Variants in LRRC7 observed in about 807,000 individuals in gnomAD.
The protein encoded by LRRC7 is leucine rich repeat containing 7.
Under a neutral mutation model 175.7 loss-of-function variants are expected in LRRC7, and 23 were observed. The ratio of observed to expected loss-of-function variants is 0.13; its 90% CI spans 0.09 to 0.19. The LOEUF (loss-of-function observed/expected upper bound fraction) is 0.19, where lower values mean the gene tolerates loss of function less well. LRRC7 is among the 10% of genes least tolerant of loss of function. The pLI is 1.00. For missense variants in LRRC7, 1,354 were observed against 1,904.7 expected (o/e 0.71, Z 5.38); for synonymous variants, 685 against 680.9 (o/e 1.01, Z -0.09).
intron 2 of LRRC7, among the ~76,000 whole-genome samples, chr1:69,701,806 A>G (rs1019715373): frequency 2.6e-5 from 4 of 152,228 alleles, no homozygotes; most frequent in African/African-American, 9.6e-5. Flanking sequence ...GGTATTTTAG[A>G]AACAGTTGAC....
rs933966275 is a variant in LRRC7 at position 69,707,017 on chromosome 1, G to C, written c.100+28539G>C. Among the ~76,000 whole-genome samples, 4 of 152,100 alleles carry C rather than the reference G, an allele frequency of 2.6e-5. No individual in the cohort carries two copies. The East Asian group carries it at 7.7e-4, about 29-fold the overall frequency. On this transcript the variant is annotated intron_variant, in intron 2 of 26. Coordinates refer to ENST00000651989, the MANE Select transcript of LRRC7 (RefSeq NM_001370785.2). ...ATTACCAGTAAACAATTGTGATAAG[G>C]AATCAGAAGGAAAGAAACAAGTTTT...
In LRRC7 at chr1:69,825,745, TAGG is replaced by T; in HGVS notation, c.422-2_422del. 6.3e-7 allele frequency: 1 copy of T among 1,591,504 alleles called. No homozygotes were observed. The highest frequency in any genetic ancestry group is 1.1e-5 in the South Asian group (1 of 87,996). On this transcript the variant is annotated splice_acceptor_variant and coding_sequence_variant, in exon 5 of 27. Coordinates refer to ENST00000651989, the MANE Select transcript of LRRC7 (RefSeq NM_001370785.2). LOFTEE classifies it high-confidence loss of function. Reference sequence around the variant, plus strand: ...CATGTACTTTGTTTTTTTCACATTTTAGGTGTACAAGAATTTCCAGAAAACATA... The same window carrying T: ...CATGTACTTTGTTTTTTTCACATTTTTGTACAAGAATTTCCAGAAAACATA...
chr1:70,024,110 G>T (rs1034439515), intron 17 of LRRC7, among the ~76,000 whole-genome samples: 2 of 152,006 alleles, frequency 1.3e-5, no homozygotes, highest in Non-Finnish European at 2.9e-5. Flanking sequence ...TATAAGGCAA[G>T]CTGAGAATGC....
chr1:69,857,335 C>A (rs1454998237), intron 7 of LRRC7, among the ~76,000 whole-genome samples: 2 of 152,170 alleles, frequency 1.3e-5, no homozygotes, highest in African/African-American at 2.4e-5. Context: ...TCCCTGTTTG[C>A]AGATGACATG....
rs182851031 is a variant in LRRC7, at chr1:69,762,090, A to T, written c.303+1697A>T. 1.1e-3 allele frequency among the ~76,000 whole-genome samples: 163 copies of T among 151,926 alleles called. 2 individuals are homozygous for T. In the East Asian group the frequency reaches 0.023, roughly 22 times the overall value. Reference sequence around the variant, plus strand: ...TATGGGATACATTTACACTAAAAAAATTTTTTTTATTTACATGATGTTCAA... The same window carrying T: ...TATGGGATACATTTACACTAAAAAATTTTTTTTTATTTACATGATGTTCAA... On this transcript the variant is annotated intron_variant, in intron 3 of 26. Transcript: ENST00000651989.
intron 17 of LRRC7, among the ~76,000 whole-genome samples, chr1:70,027,214 A>C (rs1348727008): frequency 6.6e-6 from 1 of 152,188 alleles, no homozygotes; most frequent in Non-Finnish European, 1.5e-5. Context: ...TGTTGGAACA[A>C]GCCAGGCCAA....
intron 1 of LRRC7, among the ~76,000 whole-genome samples, chr1:69,634,598 T>C (rs1653027563): frequency 6.6e-6 from 1 of 152,158 alleles, no homozygotes; most frequent in Non-Finnish European, 1.5e-5. Flanking sequence ...AAGCAGATGC[T>C]CACTCTGTCA....
At chr1:69,645,029 C>T (rs966219616) in intron 1 of LRRC7, among the ~76,000 whole-genome samples, 11 of 151,990 alleles carry the variant, frequency 7.2e-5, no homozygotes, top group African/African-American at 2.4e-4. Context: ...CTTAATTAAT[C>T]GAGTGCCTTC....
At chr1:69,586,378 G>T (rs1461517587) in intron 1 of LRRC7, among the ~76,000 whole-genome samples, 1 of 151,946 alleles carries the variant, frequency 6.6e-6, no homozygotes, top group Non-Finnish European at 1.5e-5. Context: ...TCTCATTTTG[G>T]CAGGGGGTGG....
At chr1:69,933,358 G>C (rs1647586656) in intron 8 of LRRC7, among the ~76,000 whole-genome samples, 1 of 152,186 alleles carries the variant, frequency 6.6e-6, no homozygotes, top group South Asian at 2.1e-4. Flanking sequence ...TTTTAAAGGA[G>C]ATATTTATTA....
rs947320541 is a variant in LRRC7, at chr1:70,132,791, C to T, written c.*10904C>T. 2.6e-5 allele frequency among the ~76,000 whole-genome samples: 4 copies of T among 151,880 alleles called. No homozygotes were observed. The highest frequency in any genetic ancestry group is 9.7e-5 in the African/African-American group (4 of 41,350). ...CGGCCGTACTTTTCTTAAATAAAGA[C>T]TAATGTCAGACAGTGTGGCTACAGG... On this transcript the variant is annotated 3_prime_UTR_variant, in exon 27 of 27. Transcript: ENST00000651989.
intron 1 of LRRC7, among the ~76,000 whole-genome samples, chr1:69,633,749 A>T (rs1330704055): frequency 6.6e-6 from 1 of 152,080 alleles, no homozygotes; most frequent in African/African-American, 2.4e-5. Context: ...TTAAAAGGTT[A>T]TATTTTATAA....
chr1:69,991,637 T>C (rs1329300725), intron 10 of LRRC7, among the ~76,000 whole-genome samples: 1 of 152,200 alleles, frequency 6.6e-6, no homozygotes, highest in Non-Finnish European at 1.5e-5. Context: ...GCGAATTGCA[T>C]CGTGTCCTCC....
intron 1 of LRRC7, among the ~76,000 whole-genome samples, chr1:69,580,065 C>A (rs1646132282): frequency 6.6e-6 from 1 of 152,096 alleles, no homozygotes; most frequent in Admixed American, 6.6e-5. Flanking sequence ...GTCCTCCTGG[C>A]ACATAGGTAT....
chr1:69,821,881 C>T lies in LRRC7; in HGVS notation c.422-3867C>T, dbSNP rs187270168. Among the ~76,000 whole-genome samples the T allele has an allele frequency of 7.3e-5, 11 of 151,452 alleles. No individual in the cohort carries two copies. In the East Asian group the frequency reaches 1.2e-3, roughly 16 times the overall value. On this transcript the variant is annotated intron_variant, in intron 4 of 26. Transcript: ENST00000651989. ...ATGCACTCCAGCCTGGGCAACAGAG[C>T]GAGACTCTGTCAAAAAAAAAAATTG...
chr1:69,976,086 C>T (rs1404315378), intron 8 of LRRC7, among the ~76,000 whole-genome samples: 1 of 152,098 alleles, frequency 6.6e-6, no homozygotes, highest in African/African-American at 2.4e-5. Context: ...TATTTATCTT[C>T]AGCTCACTGT....
chr1:69,980,490 T>G, intron 9 of LRRC7, 37 bp downstream of exon 9: 1 of 1,423,802 alleles, frequency 7.0e-7, no homozygotes, highest in African/African-American at 1.4e-5. Context: ...TGTTTAATAT[T>G]TGTTATACGT....
chr1:69,846,901 T>C (rs1314121652), intron 7 of LRRC7, among the ~76,000 whole-genome samples: 2 of 152,096 alleles, frequency 1.3e-5, no homozygotes, highest in Admixed American at 1.3e-4. Flanking sequence ...AATAATGTTA[T>C]TTTTAGTTTT....
chr1:69,720,619 A>AAT (rs34388643), intron 2 of LRRC7, among the ~76,000 whole-genome samples: 65,904 of 150,696 alleles, frequency 0.44, 14,572 homozygotes, highest in Admixed American at 0.5. Flanking sequence ...GTATCCTGGA[A>AAT]ACTTTCTGTG....
Sources: allele counts gnomAD v4.1 joint callset (sites outside exome capture counted in the v4.1 genomes callset), GRCh38; gene constraint gnomAD v4.1.1; transcripts MANE v1.5; gene names NCBI Gene and HGNC (gene_info 2026-07-23, HGNC 2026-07-21).